RERE: variants seen among roughly 807,000 people sequenced by gnomAD.
RERE encodes the protein arginine-glutamic acid dipeptide repeats protein.
A neutral mutation model predicts 146.1 loss-of-function variants in RERE; 40 were observed. That is an observed-to-expected ratio of 0.27 (90% CI 0.21 to 0.36). The LOEUF is 0.36. Among genes scored for constraint, RERE ranks in the 10% least tolerant of loss-of-function variants. The pLI is 1.00. For synonymous variants in RERE, 1,003 were observed against 866.0 expected (o/e 1.16, Z -2.78); for missense variants, 1,933 against 2,138.7 (o/e 0.90, Z 1.90).
chr1:8,382,297 C>G (rs1642485268), intron 12 of RERE, among the ~76,000 whole-genome samples: 1 of 152,262 alleles, frequency 6.6e-6, no homozygotes, highest in African/African-American at 2.4e-5. Flanking sequence ...GTCAACACTT[C>G]CACCAGCTTG....
intron 1 of RERE, among the ~76,000 whole-genome samples, chr1:8,731,771 A>G (rs1392579989): frequency 2.9e-5 from 1 of 34,950 alleles, no homozygotes; most frequent in Non-Finnish European, 4.9e-5. Context: ...AAAGCTAAAC[A>G]TAATGTTTTT....
intron 1 of RERE, among the ~76,000 whole-genome samples, chr1:8,775,505 G>A (rs1380277866): frequency 2.0e-5 from 3 of 152,138 alleles, no homozygotes; most frequent in Non-Finnish European, 4.4e-5. Context: ...GATCTCTTGG[G>A]CCCAGAAGGT....
intron 1 of RERE, chr1:8,799,374 A>G: frequency 6.3e-6 from 1 of 157,556 alleles, no homozygotes; most frequent in Non-Finnish European, 1.4e-5. Context: ...CCCTTGGAGA[A>G]AACTCTCATC....
intron 10 of RERE, among the ~76,000 whole-genome samples, chr1:8,494,176 T>C (rs1184199957): frequency 6.6e-6 from 1 of 152,232 alleles, no homozygotes; most frequent in Non-Finnish European, 1.5e-5. Flanking sequence ...TTTTAATTTT[T>C]TAGAAATTAT....
chr1:8,360,102 G>A lies in RERE; in HGVS notation c.3395+10C>T, dbSNP rs549833222. ...GTGCCTGACCCGTCCTGGAGCCCTA[G>A]GAAGCGTACCTAGCTGACTGGCTGG... On this transcript the variant is annotated intron_variant, in intron 18 of 22. Transcript: ENST00000400908. The A allele has an allele frequency of 5.1e-6, 8 of 1,578,104 alleles. No homozygotes were observed. In the South Asian group the frequency reaches 7.0e-5, roughly 14 times the overall value.
intron 12 of RERE, among the ~76,000 whole-genome samples, chr1:8,411,889 T>C (rs1643626338): frequency 6.6e-6 from 1 of 152,192 alleles, no homozygotes; most frequent in Admixed American, 6.5e-5. Flanking sequence ...CGGGCCTATT[T>C]CCTTTAGAAC....
chr1:8,518,633 T>C (rs966219110), intron 7 of RERE, among the ~76,000 whole-genome samples: 1 of 152,130 alleles, frequency 6.6e-6, no homozygotes, highest in Non-Finnish European at 1.5e-5. Context: ...TTTAGATGGA[T>C]TGTGAGGTAG....
At chr1:8,575,734 C>T (rs1446685876) in intron 4 of RERE, among the ~76,000 whole-genome samples, 1 of 151,542 alleles carries the variant, frequency 6.6e-6, no homozygotes, top group African/African-American at 2.4e-5. Context: ...CCTTGTAAAC[C>T]CAATCTTAAG....
Position 8,472,854 on chromosome 1 carries a change from CT to C in RERE, c.1105-6832del, listed in dbSNP as rs201311211. Among the ~76,000 whole-genome samples the C allele has an allele frequency of 4.5e-3, 637 of 141,990 alleles. 3 individuals carry two copies. Among genetic ancestry groups the C allele is most frequent in the African/African-American group, 4.6e-3 (180 of 39,000 alleles). 93.2% of individuals were successfully genotyped at this position (141,990 alleles called of 152,430 possible). On this transcript the variant is annotated intron_variant, in intron 10 of 22. Coordinates refer to ENST00000400908, the MANE Select transcript of RERE (RefSeq NM_001042681.2). ...TCACCACAGGTGTGTGGCAGTGGTGCTTTTTTTTTTTTTTCTAAATCCAATG... is the reference window on the plus strand; with the variant it reads ...TCACCACAGGTGTGTGGCAGTGGTGCTTTTTTTTTTTTTCTAAATCCAATG...
At chr1:8,774,033 G>A (rs1302448473) in intron 1 of RERE, among the ~76,000 whole-genome samples, 5 of 152,032 alleles carry the variant, frequency 3.3e-5, no homozygotes, top group Non-Finnish European at 7.4e-5. Context: ...CATAATCCAG[G>A]GTGATGGCAA....
chr1:8,789,301 A>AAAAAAAAAAAAAAATATATAT, intron 1 of RERE, among the ~76,000 whole-genome samples: 15 of 24,806 alleles, frequency 6.0e-4, no homozygotes, highest in African/African-American at 3.0e-3. Flanking sequence ...AAAAAAAAAA[A>AAAAAAAAAAAAAAATATATAT]ATATATATAT....
intron 12 of RERE, among the ~76,000 whole-genome samples, chr1:8,386,220 A>G (rs1373564111): frequency 1.3e-5 from 2 of 150,510 alleles, no homozygotes; most frequent in Non-Finnish European, 3.0e-5. Flanking sequence ...TCTCCTCCAA[A>G]TTTTTCTTTA....
At chr1:8,631,367 A>G (rs1022339785) in intron 2 of RERE, among the ~76,000 whole-genome samples, 6 of 152,126 alleles carry the variant, frequency 3.9e-5, no homozygotes, top group African/African-American at 1.4e-4. Context: ...CCACCACTAC[A>G]CTCCAGCCTG....
intron 11 of RERE, among the ~76,000 whole-genome samples, chr1:8,455,084 G>C (rs1326470683): frequency 2.0e-5 from 3 of 152,100 alleles, no homozygotes; most frequent in Non-Finnish European, 4.4e-5. Context: ...CTTCCCCAGA[G>C]AGCTCAGGTG....
intron 4 of RERE, among the ~76,000 whole-genome samples, chr1:8,579,176 G>A (rs992324494): frequency 3.9e-5 from 6 of 152,190 alleles, no homozygotes; most frequent in East Asian, 3.8e-4. Context: ...TCATGGCTAC[G>A]TAGAAATGCA....
At chr1:8,357,005 G>A (rs934596642) in intron 20 of RERE, among the ~76,000 whole-genome samples, 6 of 152,226 alleles carry the variant, frequency 3.9e-5, no homozygotes, top group African/African-American at 9.6e-5. Flanking sequence ...CCTCCTCAGC[G>A]GACCTCTCCT....
chr1:8,372,411 C>T (rs1642072469), intron 12 of RERE, among the ~76,000 whole-genome samples: 1 of 151,794 alleles, frequency 6.6e-6, no homozygotes, highest in South Asian at 2.1e-4. Flanking sequence ...CTGGACACTC[C>T]CCTGAGGAAG....
At chr1:8,607,079 G>T (rs186852081) in intron 4 of RERE, among the ~76,000 whole-genome samples, 3 of 152,084 alleles carry the variant, frequency 2.0e-5, no homozygotes, top group African/African-American at 7.2e-5. Flanking sequence ...AGATATTGCC[G>T]GCCAGACGCA....
intron 7 of RERE, among the ~76,000 whole-genome samples, chr1:8,520,753 T>TAAAA (rs368609572): frequency 0.032 from 2,476 of 77,742 alleles, 46 homozygotes; most frequent in African/African-American, 0.057. Context: ...AAAAAACTTT[T>TAAAA]TAAAAAAAAA....
Sources: gnomAD v4.1 joint callset for allele counts (sites outside exome capture counted in the v4.1 genomes callset) on GRCh38, gnomAD v4.1.1 for gene constraint, MANE v1.5 for transcripts, NCBI Gene and HGNC (gene_info 2026-07-23, HGNC 2026-07-21) for gene names.